PTPRA: variants seen among roughly 807,000 people sequenced by gnomAD.
The protein encoded by PTPRA is protein tyrosine phosphatase receptor type A, also known as receptor-type tyrosine-protein phosphatase alpha.
A neutral mutation model predicts 104.8 loss-of-function variants in PTPRA; 25 were observed. The ratio of observed to expected loss-of-function variants is 0.24; its 90% CI spans 0.17 to 0.33. The LOEUF (loss-of-function observed/expected upper bound fraction) is 0.33. Among genes scored for constraint, PTPRA ranks in the 10% least tolerant of loss-of-function variants. PTPRA has a pLI of 1.00. For missense variants in PTPRA, 765 were observed against 1,015.3 expected (o/e 0.75, Z 3.35); for synonymous variants, 323 against 368.9 (o/e 0.88, Z 1.43).
At chr20:2,905,766 C>T (rs2059406611) in intron 1 of PTPRA, among the ~76,000 whole-genome samples, 1 of 147,242 alleles carries the variant, frequency 6.8e-6, no homozygotes, top group Non-Finnish European at 1.5e-5. Flanking sequence ...CTCACCACAA[C>T]CTCTGCCTCC....
intron 22 of PTPRA, among the ~76,000 whole-genome samples, chr20:3,036,697 G>T (rs1271691247): frequency 1.3e-5 from 2 of 152,246 alleles, no homozygotes; most frequent in Non-Finnish European, 2.9e-5. Flanking sequence ...ATTGAATAGG[G>T]GGATATTGTC....
chr20:2,944,152 T>C (rs1377842499), intron 2 of PTPRA, among the ~76,000 whole-genome samples: 1 of 151,778 alleles, frequency 6.6e-6, no homozygotes, highest in African/African-American at 2.4e-5. Context: ...GCAATTGTCC[T>C]GTCTCAACCT....
At chr20:2,939,694 C>T (rs141633749) in intron 2 of PTPRA, among the ~76,000 whole-genome samples, 114 of 152,302 alleles carry the variant, frequency 7.5e-4, no homozygotes, top group African/African-American at 2.6e-3. Flanking sequence ...AAGTAGGGAG[C>T]TTCCTGTTGG....
intron 3 of PTPRA, among the ~76,000 whole-genome samples, chr20:2,956,593 C>T (rs188472339): frequency 1.3e-5 from 2 of 151,980 alleles, no homozygotes; most frequent in African/African-American, 4.8e-5. Context: ...CTTTATCCTT[C>T]CAAGTTCAAT....
chr20:2,899,886 C>G (rs1362766572), intron 1 of PTPRA, among the ~76,000 whole-genome samples: 1 of 152,102 alleles, frequency 6.6e-6, no homozygotes, highest in East Asian at 1.9e-4. Flanking sequence ...GCAGGTAGAT[C>G]ACTTAAGGTC....
chr20:2,965,019 A>T lies in PTPRA; in HGVS notation c.232A>T (p.Thr78Ser), dbSNP rs779590385. The T allele has an allele frequency of 8.1e-6, 13 of 1,614,132 alleles. No homozygotes were observed. The highest frequency in any genetic ancestry group is 1.1e-5 in the Non-Finnish European group (13 of 1,179,988). The part of the protein sequence containing the change: ...NITLGPTYLT[T>S]VNSSDSDNGT... ...AACTCTGGGACCCACCTATTTAACC[A>T]CTGTCAATTCTTCAGACTCTGACAA... Residue 78 changes from threonine to serine, a missense_variant, in exon 5 of 24, where the codon ACT (threonine) becomes TCT (serine). Around this residue, in one of 4 missense-constraint regions of PTPRA, gnomAD observed 256 missense variants for 248.9 expected, o/e 1.03. Transcript: ENST00000399903.
chr20:2,904,652 G>A (rs519276), intron 1 of PTPRA, among the ~76,000 whole-genome samples: 29,559 of 131,948 alleles, frequency 0.22, 4,940 homozygotes, highest in African/African-American at 0.49. Context: ...TGGCTAGAGA[G>A]CAAGACTCCG....
At chr20:2,899,408 G>C (rs559861196) in intron 1 of PTPRA, among the ~76,000 whole-genome samples, 1 of 152,292 alleles carries the variant, frequency 6.6e-6, no homozygotes, top group African/African-American at 2.4e-5. Context: ...GCACCAGGGT[G>C]GGTCAGGAGG....
chr20:2,987,782 A>G (rs2062968876), intron 7 of PTPRA: 1 of 553,722 alleles, frequency 1.8e-6, no homozygotes. Context: ...AGTGAGCCAC[A>G]TGAGCCTGAA....
intron 1 of PTPRA, among the ~76,000 whole-genome samples, chr20:2,897,412 G>T (rs1316974554): frequency 7.2e-6 from 1 of 139,622 alleles, no homozygotes; most frequent in Admixed American, 7.7e-5. Flanking sequence ...TTTTGAGACG[G>T]AGTCTCGCTT....
intron 11 of PTPRA, among the ~76,000 whole-genome samples, chr20:3,010,055 G>T (rs183458952): frequency 9.4e-4 from 143 of 151,928 alleles, no homozygotes; most frequent in Non-Finnish European, 1.6e-3. Flanking sequence ...TTGCTATGCT[G>T]GCCAGGCTGG....
chr20:2,894,270 A>G (rs931149495), intron 1 of PTPRA, among the ~76,000 whole-genome samples: 1 of 152,220 alleles, frequency 6.6e-6, no homozygotes, highest in African/African-American at 2.4e-5. Flanking sequence ...AATGCCCTCA[A>G]AACTCAGCAG....
chr20:2,976,870 A>T (rs1210510055), intron 6 of PTPRA, among the ~76,000 whole-genome samples: 1 of 152,202 alleles, frequency 6.6e-6, no homozygotes, highest in Non-Finnish European at 1.5e-5. Flanking sequence ...GGTGCTTTTG[A>T]ACAGTAGTGT....
chr20:2,980,015 C>T (rs1193214222), intron 6 of PTPRA, among the ~76,000 whole-genome samples: 6 of 152,236 alleles, frequency 3.9e-5, no homozygotes, highest in Admixed American at 1.3e-4. Flanking sequence ...CAGGTTCAAA[C>T]GATTCTCCTG....
chr20:2,969,447 A>C (rs563604751), intron 5 of PTPRA, among the ~76,000 whole-genome samples: 77 of 151,640 alleles, frequency 5.1e-4, no homozygotes, highest in African/African-American at 1.5e-3. Flanking sequence ...AGGTTTCACC[A>C]TGTTGGCCAT....
At chr20:3,023,937 G>A (rs913531647) in intron 16 of PTPRA, among the ~76,000 whole-genome samples, 2 of 152,180 alleles carry the variant, frequency 1.3e-5, no homozygotes, top group Non-Finnish European at 2.9e-5. Context: ...CAAAGAAATC[G>A]AGCACAGAGG....
intron 1 of PTPRA, among the ~76,000 whole-genome samples, chr20:2,874,310 C>A (rs753070732): frequency 2.6e-4 from 40 of 151,786 alleles, no homozygotes; most frequent in Middle Eastern, 6.8e-3. Context: ...CAATTGAGAA[C>A]GCAGGTCCCC....
At position 3,037,362 on chromosome 20, in the gene PTPRA, A is replaced by AG; in HGVS notation, c.2334+77dup. 6.3e-7 allele frequency: 1 copy of AG among 1,584,844 alleles called. No individual in the cohort carries two copies. On this transcript the variant is annotated intron_variant, in intron 23 of 23. Transcript: ENST00000399903. The surrounding 1 kb of genome is among the most constrained non-coding windows in gnomAD (Gnocchi z 4.3). ...TTCTCTCAGGGAGGAGGCTCTTCAGAGGGGCCCACCCAGTAGTCAGAAGAC... is the reference window on the plus strand; with the variant it reads ...TTCTCTCAGGGAGGAGGCTCTTCAGAGGGGGCCCACCCAGTAGTCAGAAGAC...
chr20:2,928,406 C>T (rs2060386711), intron 2 of PTPRA, among the ~76,000 whole-genome samples: 1 of 152,128 alleles, frequency 6.6e-6, no homozygotes, highest in Non-Finnish European at 1.5e-5. Context: ...CCGTACCCAG[C>T]CTCTGGTGTC....
Sources: gnomAD v4.1 joint callset for allele counts (sites outside exome capture counted in the v4.1 genomes callset) on GRCh38, gnomAD v4.1.1 for gene constraint, gnomAD v4.1.1 regional missense constraint, Gnocchi (gnomAD v3.1) non-coding constraint, MANE v1.5 for transcripts, NCBI Gene and HGNC (gene_info 2026-07-23, HGNC 2026-07-21) for gene names.